The following KANK1 variants were observed in gnomAD, a reference collection of about 807,000 sequenced individuals.
KANK1 encodes KN motif and ankyrin repeat domain-containing protein 1.
KANK1 carries 109 observed loss-of-function variants against 106.2 expected under a neutral mutation model. That is an observed-to-expected ratio of 1.03 (90% CI 0.88 to 1.20). The LOEUF (loss-of-function observed/expected upper bound fraction) is 1.20, where lower values mean the gene tolerates loss of function less well. KANK1 is among the 50% of genes most tolerant of loss of function. The pLI is 0.00. For synonymous variants in KANK1, 873 were observed against 652.2 expected (o/e 1.34, Z -5.16); for missense variants, 2,399 against 1,710.7 (o/e 1.40, Z -7.10).
chr9:572,507 G>A (rs929079481), intron 1 of KANK1, among the ~76,000 whole-genome samples: 2 of 151,770 alleles, frequency 1.3e-5, no homozygotes, highest in African/African-American at 4.8e-5. Flanking sequence ...AGCCGAGATC[G>A]CTCCACTGCA....
chr9:744,893 A>G (rs1836790441), intron 11 of KANK1: 6 of 1,413,870 alleles, frequency 4.2e-6, no homozygotes, highest in African/African-American at 2.9e-5. Context: ...ATATTTCGCC[A>G]TGGTTCTGGC....
chr9:647,519 G>C (rs976575141), intron 1 of KANK1, among the ~76,000 whole-genome samples: 5 of 150,848 alleles, frequency 3.3e-5, no homozygotes, highest in Non-Finnish European at 5.9e-5. Flanking sequence ...CAGTTTTCTA[G>C]TATAGTCTTT....
chr9:584,250 C>T (rs1332188260), intron 1 of KANK1, among the ~76,000 whole-genome samples: 1 of 152,048 alleles, frequency 6.6e-6, no homozygotes, highest in Non-Finnish European at 1.5e-5. Flanking sequence ...AAACAAGTTA[C>T]AAGTAATATC....
intron 3 of KANK1, among the ~76,000 whole-genome samples, chr9:490,066 ACT>A (rs750789211): frequency 6.6e-6 from 1 of 152,108 alleles, no homozygotes; most frequent in Non-Finnish European, 1.5e-5. Context: ...TTATAGGGTC[ACT>A]CTCTGGGGAA....
At chr9:727,638 T>C (rs946503422) in intron 3 of KANK1, among the ~76,000 whole-genome samples, 1 of 151,744 alleles carries the variant, frequency 6.6e-6, no homozygotes, top group Non-Finnish European at 1.5e-5. Context: ...AAATTAAAAC[T>C]ACCATAGCTG....
chr9:492,978 C>T (rs1178354714), intron 3 of KANK1, among the ~76,000 whole-genome samples: 3 of 149,052 alleles, frequency 2.0e-5, no homozygotes, highest in South Asian at 4.2e-4. Context: ...GAGCTGAGAT[C>T]GTGCCATTGC....
intron 1 of KANK1, among the ~76,000 whole-genome samples, chr9:640,077 G>A (rs1400278937): frequency 6.6e-6 from 1 of 152,108 alleles, no homozygotes; most frequent in East Asian, 1.9e-4. Context: ...GTTGTACTCA[G>A]CTTCATTTTA....
At chr9:580,917 C>CG (rs1270630954) in intron 1 of KANK1, among the ~76,000 whole-genome samples, 1 of 152,200 alleles carries the variant, frequency 6.6e-6, no homozygotes, top group Non-Finnish European at 1.5e-5. Flanking sequence ...CCTTGCCCCA[C>CG]GGGGAGGCAG....
intron 2 of KANK1, among the ~76,000 whole-genome samples, chr9:691,388 T>C (rs985865714): frequency 6.6e-6 from 1 of 150,726 alleles, no homozygotes; most frequent in Non-Finnish European, 1.5e-5. Context: ...AGTTTTAAAA[T>C]TGTATGTGTG....
At chr9:623,465 C>T (rs1174411642) in intron 1 of KANK1, among the ~76,000 whole-genome samples, 1 of 151,850 alleles carries the variant, frequency 6.6e-6, no homozygotes, top group Non-Finnish European at 1.5e-5. Flanking sequence ...TGGCATGCAC[C>T]TATAGTCTCA....
intron 1 of KANK1, among the ~76,000 whole-genome samples, chr9:585,045 G>C (rs1823115983): frequency 6.6e-6 from 1 of 152,134 alleles, no homozygotes; most frequent in African/African-American, 2.4e-5. Context: ...GTCCTTATCT[G>C]CAGCATTTGA....
At chr9:623,542 C>T (rs894959720) in intron 1 of KANK1, among the ~76,000 whole-genome samples, 2 of 150,110 alleles carry the variant, frequency 1.3e-5, no homozygotes, top group Non-Finnish European at 3.0e-5. Flanking sequence ...GAGGTCGAGA[C>T]TGCATTGAGC....
intron 1 of KANK1, among the ~76,000 whole-genome samples, chr9:508,681 A>C (rs2058889254): frequency 6.6e-6 from 1 of 151,382 alleles, no homozygotes; most frequent in African/African-American, 2.5e-5. Flanking sequence ...TTTCTTTCTC[A>C]ACATTATATT....
chr9:734,557 T>A (rs993677041), intron 6 of KANK1, 191 bp from the exon 7 acceptor site: 10 of 467,882 alleles, frequency 2.1e-5, no homozygotes, highest in African/African-American at 2.0e-4. Flanking sequence ...TCCCAGCTAC[T>A]AGGGAGGCTG....
chr9:498,262 G>A (rs923285649), intron 3 of KANK1, among the ~76,000 whole-genome samples: 3 of 152,178 alleles, frequency 2.0e-5, no homozygotes, highest in Admixed American at 2.0e-4. Flanking sequence ...TGCACCACAC[G>A]AAGGTCTACT....
intron 2 of KANK1, among the ~76,000 whole-genome samples, chr9:703,914 A>G (rs748220940): frequency 6.6e-5 from 10 of 152,062 alleles, no homozygotes; most frequent in African/African-American, 9.7e-5. Context: ...TGGTTTCACC[A>G]TGTTGGACAG....
At chr9:490,691 C>T (rs1295434088) in intron 3 of KANK1, among the ~76,000 whole-genome samples, 1 of 152,054 alleles carries the variant, frequency 6.6e-6, no homozygotes, top group Non-Finnish European at 1.5e-5. Context: ...CTGATATTGG[C>T]AAAAATACGT....
chr9:692,813 G>A (rs538133618), intron 2 of KANK1, among the ~76,000 whole-genome samples: 3 of 151,968 alleles, frequency 2.0e-5, no homozygotes, highest in South Asian at 2.1e-4. Context: ...TCAGGCATTC[G>A]AGCCCAACCT....
intron 1 of KANK1, chr9:549,346 GCCT>G (rs916704476): frequency 2.6e-5 from 4 of 152,300 alleles, no homozygotes; most frequent in African/African-American, 9.7e-5. Context: ...GTCAACAATG[GCCT>G]CCTCCTATGG....
Sources: allele counts gnomAD v4.1 joint callset (sites outside exome capture counted in the v4.1 genomes callset), GRCh38; gene constraint gnomAD v4.1.1; transcripts MANE v1.5; gene names NCBI Gene and HGNC (gene_info 2026-07-23, HGNC 2026-07-21).